The following CFAP58 variants were observed in gnomAD, a reference collection of about 807,000 sequenced individuals.
CFAP58 encodes the protein cilia- and flagella-associated protein 58.
In CFAP58, 88 loss-of-function variants were observed where a neutral mutation model predicts 119.5. The observed-to-expected ratio is 0.74, with a 90% CI of 0.62 to 0.88. CFAP58 has a LOEUF of 0.88. Ranked by LOEUF, CFAP58 falls within the 40% of genes least tolerant of loss-of-function variation. The probability of loss-of-function intolerance (pLI) is 0.00; values close to 1 mark genes in which losing one functional copy is unlikely to be tolerated. For synonymous variants in CFAP58, 365 were observed against 366.3 expected (o/e 1.00, Z 0.04); for missense variants, 990 against 1,021.2 (o/e 0.97, Z 0.42).
the CFAP58 span, among the ~76,000 whole-genome samples, chr10:104,345,715 A>G: frequency 6.6e-6 from 1 of 152,042 alleles, no homozygotes; most frequent in Non-Finnish European, 1.5e-5. Flanking sequence ...TAACTGGGTA[A>G]GATTTTTTGG....
chr10:104,418,415 G>A (rs189591290), intron 15 of CFAP58, among the ~76,000 whole-genome samples: 1 of 152,292 alleles, frequency 6.6e-6, no homozygotes, highest in East Asian at 1.9e-4. Context: ...GGGCATGTTG[G>A]CAGGTGCCTG....
At chr10:104,421,042 C>T (rs546525237) in intron 15 of CFAP58, among the ~76,000 whole-genome samples, 1 of 152,206 alleles carries the variant, frequency 6.6e-6, no homozygotes, top group East Asian at 1.9e-4. Flanking sequence ...CATGAGCCAC[C>T]GCACCTGGCC....
chr10:104,398,013 C>T (rs1261689694), intron 11 of CFAP58, among the ~76,000 whole-genome samples: 1 of 152,198 alleles, frequency 6.6e-6, no homozygotes, highest in Non-Finnish European at 1.5e-5. Flanking sequence ...GTGAACACAC[C>T]AGGTACTTTA....
rs1564904709 is a variant in CFAP58, at chr10:104,438,336, TTTTTG to T, written c.2257-9357_2257-9353del. Among the ~76,000 whole-genome samples, 56 of 133,940 alleles carry T rather than the reference TTTTTG, an allele frequency of 4.2e-4. 1 individual carries two copies. Among genetic ancestry groups the T allele is most frequent in the African/African-American group, 1.7e-3 (52 of 31,428 alleles). 87.9% of individuals were successfully genotyped at this position (133,940 alleles called of 152,430 possible). ...ATGGGAATTTTTATTGTTTTTTTGT[TTTTTG>T]TTTTTTGTTTTTTTTTTTTGTTTTT... On this transcript the variant is annotated intron_variant, in intron 15 of 17. Coordinates refer to ENST00000369704, the MANE Select transcript of CFAP58 (RefSeq NM_001008723.2).
chr10:104,379,504 G>A (rs890610452), intron 8 of CFAP58, among the ~76,000 whole-genome samples: 12 of 152,308 alleles, frequency 7.9e-5, no homozygotes, highest in African/African-American at 2.6e-4. Context: ...TTCGTTTTGA[G>A]TATATATCCA....
At position 104,399,473 on chromosome 10, in the gene CFAP58, G is replaced by A. The variant is rs1311163449; in HGVS notation, c.1788G>A (p.Arg596=). 1.9e-6 allele frequency: 3 copies of A among 1,613,762 alleles called. No homozygotes were observed. The highest frequency in any genetic ancestry group is 4.5e-5 in the East Asian group (2 of 44,874). The change falls in exon 12 of 18, where the codon AGG becomes AGA. Residue 596 remains arginine (R), a synonymous_variant. Transcript: ENST00000369704. The part of the protein sequence containing the change: ...LRIIAEADGE[R]LRQKKELDQV... ...TAATTGCTGAGGCTGACGGGGAGAG[G>A]TTGAGACAGAAGAAGGAATTAGACC... is the stretch of plus-strand genomic sequence containing the variant.
chr10:104,360,441 A>G (rs958670460), intron 2 of CFAP58, among the ~76,000 whole-genome samples: 1 of 151,448 alleles, frequency 6.6e-6, no homozygotes, highest in African/African-American at 2.4e-5. Flanking sequence ...CACATGGGCC[A>G]GAGCAGGAGC....
chr10:104,440,416 C>A (rs2013019218), intron 15 of CFAP58, among the ~76,000 whole-genome samples: 1 of 152,118 alleles, frequency 6.6e-6, no homozygotes. Flanking sequence ...TAATCTGATA[C>A]CCATCCTTGA....
intron 14 of CFAP58, among the ~76,000 whole-genome samples, chr10:104,404,683 C>T (rs2133048426): frequency 6.6e-6 from 1 of 152,120 alleles, no homozygotes; most frequent in South Asian, 2.1e-4. Flanking sequence ...GATCTCGGCT[C>T]ACTGCAAGCT....
At chr10:104,417,355 G>A (rs1048330990) in intron 15 of CFAP58, among the ~76,000 whole-genome samples, 4 of 152,210 alleles carry the variant, frequency 2.6e-5, no homozygotes, top group Non-Finnish European at 5.9e-5. Context: ...AAAGCACTTA[G>A]CACAATGCTT....
At chr10:104,359,466 G>T (rs1307328530) in intron 2 of CFAP58, among the ~76,000 whole-genome samples, 1 of 152,140 alleles carries the variant, frequency 6.6e-6, no homozygotes, top group African/African-American at 2.4e-5. Flanking sequence ...AAGGCTTAAA[G>T]TCATTTTATA....
At chr10:104,350,492 T>C (rs2014447504), upstream of CFAP58, among the ~76,000 whole-genome samples, 1 of 152,226 alleles carries the variant, frequency 6.6e-6, no homozygotes, top group Admixed American at 6.5e-5. Context: ...CATCCTTTCA[T>C]CCATTCATCC....
chr10:104,347,317 G>A, the CFAP58 span, among the ~76,000 whole-genome samples: 2 of 151,990 alleles, frequency 1.3e-5, no homozygotes, highest in African/African-American at 4.8e-5. Flanking sequence ...AGACCCTTTG[G>A]GAGCTGATGT....
At chr10:104,414,961 C>T (rs544560493) in intron 15 of CFAP58, among the ~76,000 whole-genome samples, 1 of 152,334 alleles carries the variant, frequency 6.6e-6, no homozygotes, top group East Asian at 1.9e-4. Flanking sequence ...ACACTCCCCA[C>T]GCCCGTGAAT....
At chr10:104,357,984 TAC>T (rs1242013631) in intron 1 of CFAP58, among the ~76,000 whole-genome samples, 2 of 142,266 alleles carry the variant, frequency 1.4e-5, no homozygotes, top group African/African-American at 2.8e-5. Flanking sequence ...TGTACATATG[TAC>T]ACATATATGT....
chr10:104,383,734 C>G (rs1285978253), intron 9 of CFAP58, among the ~76,000 whole-genome samples: 1 of 143,856 alleles, frequency 7.0e-6, no homozygotes, highest in African/African-American at 2.6e-5. Flanking sequence ...TCTCATATTT[C>G]TTTCTTTCTT....
At chr10:104,394,840 A>C (rs543742473) in intron 11 of CFAP58, among the ~76,000 whole-genome samples, 1 of 152,322 alleles carries the variant, frequency 6.6e-6, no homozygotes, top group East Asian at 1.9e-4. Flanking sequence ...TTTATAGAAA[A>C]CAGTTTGTTC....
chr10:104,401,752 CTTTTTCTTTTTT>C (rs1044833424), intron 13 of CFAP58, among the ~76,000 whole-genome samples: 1 of 146,868 alleles, frequency 6.8e-6, no homozygotes, highest in African/African-American at 2.6e-5. Context: ...TAAATCAATA[CTTTTTCTTTTTT>C]TTTTTCTTTT....
At chr10:104,357,485 T>C (rs530351293) in intron 1 of CFAP58, among the ~76,000 whole-genome samples, 6 of 152,274 alleles carry the variant, frequency 3.9e-5, no homozygotes, top group African/African-American at 1.4e-4. Flanking sequence ...CAACACACCG[T>C]GGCCACCCCC....
Sources: gnomAD v4.1 joint callset for allele counts (sites outside exome capture counted in the v4.1 genomes callset) on GRCh38, gnomAD v4.1.1 for gene constraint, MANE v1.5 for transcripts, NCBI Gene and HGNC (gene_info 2026-07-23, HGNC 2026-07-21) for gene names.